The following TTC28 variants were observed in gnomAD, a reference collection of about 807,000 sequenced individuals.
The protein encoded by TTC28 is tetratricopeptide repeat protein 28.
TTC28 carries 61 observed loss-of-function variants against 198.0 expected under a neutral mutation model. The ratio of observed to expected loss-of-function variants is 0.31; its 90% CI spans 0.25 to 0.38. TTC28 has a LOEUF of 0.38. Among genes scored for constraint, TTC28 ranks in the 10% least tolerant of loss-of-function variants. TTC28 has a pLI of 1.00. For missense variants in TTC28, 2,678 were observed against 3,164.0 expected (o/e 0.85, Z 3.69); for synonymous variants, 1,171 against 1,297.8 (o/e 0.90, Z 2.10).
intron 2 of TTC28, among the ~76,000 whole-genome samples, chr22:28,460,619 A>G (rs891729560): frequency 2.6e-5 from 1 of 38,162 alleles, no homozygotes; most frequent in African/African-American, 1.1e-4. Flanking sequence ...AGATAGATAG[A>G]TAGATAGATA....
At chr22:28,322,698 C>G (rs1308372158) in intron 2 of TTC28, among the ~76,000 whole-genome samples, 1 of 152,166 alleles carries the variant, frequency 6.6e-6, no homozygotes, top group African/African-American at 2.4e-5. Flanking sequence ...TTATATTTTG[C>G]TAATATAACA....
At chr22:28,252,958 A>T (rs1358552839) in intron 5 of TTC28, among the ~76,000 whole-genome samples, 1 of 152,230 alleles carries the variant, frequency 6.6e-6, no homozygotes, top group African/African-American at 2.4e-5. Flanking sequence ...CACTCAACTC[A>T]GTAGCTATAG....
In TTC28 at chr22:28,357,110, C is replaced by A. The variant is rs191169142; in HGVS notation, c.382-50467G>T. Among the ~76,000 whole-genome samples the A allele has an allele frequency of 3.6e-3, 554 of 152,110 alleles. 3 individuals are homozygous for A. The highest frequency in any genetic ancestry group is 0.013 in the African/African-American group (535 of 41,498). On this transcript the variant is annotated intron_variant, in intron 2 of 22. Transcript: ENST00000397906. ...TATCCTCATTTTACAGATTAAAAAA[C>A]TGACTCAGAAAAATGAAATGCATTG...
chr22:28,280,606 G>A (rs2044566308), intron 5 of TTC28, among the ~76,000 whole-genome samples: 1 of 152,128 alleles, frequency 6.6e-6, no homozygotes, highest in Admixed American at 6.5e-5. Flanking sequence ...CCAGAGTGCT[G>A]GGATTACAGG....
chr22:28,518,378 G>A (rs1477129976), intron 2 of TTC28, among the ~76,000 whole-genome samples: 1 of 152,146 alleles, frequency 6.6e-6, no homozygotes, highest in Non-Finnish European at 1.5e-5. Context: ...CGCTTTGGGA[G>A]GCCCAGACAC....
At chr22:28,509,671 A>C (rs2048661767) in intron 2 of TTC28, among the ~76,000 whole-genome samples, 1 of 152,222 alleles carries the variant, frequency 6.6e-6, no homozygotes, top group Admixed American at 6.5e-5. Context: ...AGGACAAGAA[A>C]TAACTAAGAT....
chr22:28,057,978 TCTTGATTACTATAG>T (rs1306445137), intron 12 of TTC28, among the ~76,000 whole-genome samples: 1 of 152,212 alleles, frequency 6.6e-6, no homozygotes, highest in African/African-American at 2.4e-5. Context: ...TGCCACACTG[TCTTGATTACTATAG>T]CTTTATAAGT....
At chr22:27,985,455 C>CT in intron 21 of TTC28, 99 bp from the exon 22 acceptor site, 2 of 924,270 alleles carry the variant, frequency 2.2e-6, no homozygotes, top group Non-Finnish European at 3.3e-6. Flanking sequence ...CATGGAATGC[C>CT]TGCAAGGCCC....
At chr22:28,186,952 T>G (rs889185901) in intron 5 of TTC28, among the ~76,000 whole-genome samples, 11 of 152,210 alleles carry the variant, frequency 7.2e-5, no homozygotes, top group African/African-American at 2.7e-4. Flanking sequence ...TTATATCATT[T>G]CTAATTACAC....
At chr22:28,673,535 G>C (rs1429415758) in intron 1 of TTC28, among the ~76,000 whole-genome samples, 1 of 152,040 alleles carries the variant, frequency 6.6e-6, no homozygotes, top group African/African-American at 2.4e-5. Context: ...GAAAATGTTA[G>C]GACAAATTTG....
chr22:28,428,216 C>A (rs1294607842), intron 2 of TTC28, among the ~76,000 whole-genome samples: 1 of 151,214 alleles, frequency 6.6e-6, no homozygotes, highest in African/African-American at 2.4e-5. Context: ...TGCCCATCTA[C>A]CTTGCAGAAG....
intron 12 of TTC28, among the ~76,000 whole-genome samples, chr22:28,031,043 T>C (rs1223084843): frequency 6.6e-6 from 1 of 152,190 alleles, no homozygotes. Flanking sequence ...ATGACAGACT[T>C]TAACAGAACA....
intron 5 of TTC28, among the ~76,000 whole-genome samples, chr22:28,280,230 C>T (rs12166253): frequency 0.084 from 12,724 of 151,972 alleles, 632 homozygotes; most frequent in Non-Finnish European, 0.098. Context: ...AAATATAATA[C>T]ATTGATGTAT....
intron 1 of TTC28, among the ~76,000 whole-genome samples, chr22:28,645,550 C>G (rs2051448239): frequency 6.6e-6 from 1 of 151,448 alleles, no homozygotes; most frequent in Admixed American, 6.6e-5. Flanking sequence ...TTGCTTGTAC[C>G]CAGGAGTCCA....
Position 28,409,410 on chromosome 22 carries a change from C to A in TTC28, c.382-102767G>T, listed in dbSNP as rs149092420. Among the ~76,000 whole-genome samples, 529 of 152,128 alleles carry A rather than the reference C, an allele frequency of 3.5e-3. 4 individuals carry two copies. The highest frequency in any genetic ancestry group is 0.012 in the African/African-American group (510 of 41,512). On this transcript the variant is annotated intron_variant, in intron 2 of 22. Coordinates refer to ENST00000397906, the MANE Select transcript of TTC28 (RefSeq NM_001145418.2). Reference sequence around the variant, plus strand: ...AACTTCCATCAGCAAAGCATCATATCCTGAGACCATTCTAACTCTTTGAAA... The same window carrying A: ...AACTTCCATCAGCAAAGCATCATATACTGAGACCATTCTAACTCTTTGAAA...
chr22:28,475,789 T>A (rs1310942220), intron 2 of TTC28, among the ~76,000 whole-genome samples: 1 of 152,234 alleles, frequency 6.6e-6, no homozygotes, highest in Non-Finnish European at 1.5e-5. Context: ...AATTTGGACC[T>A]ACACGCTGAA....
intron 2 of TTC28, among the ~76,000 whole-genome samples, chr22:28,558,361 TA>T: frequency 6.6e-6 from 1 of 152,180 alleles, no homozygotes; most frequent in East Asian, 1.9e-4. Flanking sequence ...CTGATGTGGA[TA>T]AAGTGAGGAT....
At chr22:28,403,438 C>CTGT (rs2046950474) in intron 2 of TTC28, among the ~76,000 whole-genome samples, 2 of 152,156 alleles carry the variant, frequency 1.3e-5, no homozygotes, top group Non-Finnish European at 2.9e-5. Flanking sequence ...ATAAAATGAA[C>CTGT]AATTGCCCTG....
rs529685150 is a variant in TTC28 at position 28,404,624 on chromosome 22, A to G, written c.382-97981T>C. Reference sequence around the variant, plus strand: ...CTTCCCTCTCTCTATCATTCTTTCTATCACCGCTTTTCCACTCACCCCTGA... The same window carrying G: ...CTTCCCTCTCTCTATCATTCTTTCTGTCACCGCTTTTCCACTCACCCCTGA... On this transcript the variant is annotated intron_variant, in intron 2 of 22. Transcript: ENST00000397906. Among the ~76,000 whole-genome samples, 6 of 152,104 alleles carry G rather than the reference A, an allele frequency of 3.9e-5. No homozygotes were observed. In the South Asian group the frequency reaches 1.2e-3, roughly 32 times the overall value.
Sources: gnomAD v4.1 joint callset for allele counts (sites outside exome capture counted in the v4.1 genomes callset) on GRCh38, gnomAD v4.1.1 for gene constraint, MANE v1.5 for transcripts, NCBI Gene and HGNC (gene_info 2026-07-23, HGNC 2026-07-21) for gene names.